Variants in PAQR5 observed in about 807,000 individuals in gnomAD.
The protein encoded by PAQR5 is progestin and adipoQ receptor family member 5.
In PAQR5, 20 loss-of-function variants were observed where a neutral mutation model predicts 34.5. The ratio of observed to expected loss-of-function variants is 0.58; its 90% CI spans 0.41 to 0.84. The LOEUF is 0.84. Among genes scored for constraint, PAQR5 ranks in the 40% least tolerant of loss-of-function variants. PAQR5 has a pLI of 0.00. For synonymous variants in PAQR5, 131 were observed against 155.6 expected, an observed-to-expected ratio of 0.84 and a Z score of 1.18; for missense variants, 378 against 412.7, an observed-to-expected ratio of 0.92 and a Z score of 0.73.
At chr15:69,346,293 T>A (rs1043727289) in intron 2 of PAQR5, among the ~76,000 whole-genome samples, 2 of 138,610 alleles carry the variant, frequency 1.4e-5, no homozygotes, top group Non-Finnish European at 3.0e-5. Context: ...ATGGATATTT[T>A]GTAATTTTTT....
chr15:69,322,754 A>AGACGAG lies in PAQR5; in HGVS notation c.-276-14585_-276-14584insCGAGGA, dbSNP rs1566997815. 9.7e-3 allele frequency among the ~76,000 whole-genome samples: 278 copies of AGACGAG among 28,582 alleles called. 48 individuals carry two copies. Among genetic ancestry groups the AGACGAG allele is most frequent in the Non-Finnish European group, 0.015 (203 of 13,244 alleles). 18.8% of individuals were successfully genotyped at this position (28,582 alleles called of 152,430 possible). ...AAGAAGAAGAAGAAGAAGAAGAAGA[A>AGACGAG]GAAGAAGAAGAAGAAGAGGGAGAAG... On this transcript the variant is annotated intron_variant, in intron 1 of 8. Coordinates refer to ENST00000395407, the MANE Select transcript of PAQR5 (RefSeq NM_017705.4).
At chr15:69,397,639 G>A (rs2056486263) in intron 7 of PAQR5, 75 bp downstream of exon 7, 8 of 1,003,942 alleles carry the variant, frequency 8.0e-6, no homozygotes, top group Non-Finnish European at 1.3e-5. Flanking sequence ...GCTTCTGGGG[G>A]GTCACAGCAC....
rs1431935169 is a variant in PAQR5 at position 69,300,631 on chromosome 15, T to C, written c.-277+1575T>C. 1.5e-4 allele frequency among the ~76,000 whole-genome samples: 7 copies of C among 45,460 alleles called. 1 individual carries two copies. The highest frequency in any genetic ancestry group is 1.2e-3 in the East Asian group (2 of 1,718). The allele number at this position is 45,460 out of a possible 152,430, so 29.8% of individuals were successfully genotyped here. On this transcript the variant is annotated intron_variant, in intron 1 of 8. Coordinates refer to ENST00000395407, the MANE Select transcript of PAQR5 (RefSeq NM_017705.4). ...TTTCTTTCTTTCTTTCTTTCTTTCT[T>C]TCTTTCTTTCTTTCTTTCTTTTCTT...
intron 2 of PAQR5, among the ~76,000 whole-genome samples, chr15:69,340,041 T>A (rs751875557): frequency 1.3e-4 from 20 of 152,050 alleles, no homozygotes; most frequent in African/African-American, 4.8e-4. Flanking sequence ...TAATTTTGTA[T>A]TTGTGGTAGA....
intron 2 of PAQR5, among the ~76,000 whole-genome samples, chr15:69,359,732 T>C (rs1010177683): frequency 1.3e-5 from 2 of 152,050 alleles, no homozygotes; most frequent in African/African-American, 4.8e-5. Flanking sequence ...GAGGCAGAAA[T>C]TGGGCATAAG....
chr15:69,329,875 T>C (rs1459740199), intron 1 of PAQR5, among the ~76,000 whole-genome samples: 5 of 152,198 alleles, frequency 3.3e-5, no homozygotes, highest in Admixed American at 2.6e-4. Context: ...GTAGCCATAA[T>C]AGTAGCCATA....
chr15:69,403,230 T>C (rs1338322810), intron 8 of PAQR5, among the ~76,000 whole-genome samples: 3 of 152,254 alleles, frequency 2.0e-5, no homozygotes, highest in Admixed American at 6.5e-5. Context: ...CCATATTGCT[T>C]CTTAAAAATA....
rs188970293 is a variant in PAQR5, at chr15:69,406,177, G to C, written c.*2355G>C. 6.6e-6 allele frequency: 1 copy of C among 152,256 alleles called. No individual in the cohort carries two copies. The highest frequency in any genetic ancestry group is 6.5e-5 in the Admixed American group (1 of 15,288). 9.4% of individuals were successfully genotyped at this position (152,256 alleles called of 1,614,324 possible). On this transcript the variant is annotated 3_prime_UTR_variant, in exon 9 of 9. Coordinates refer to ENST00000395407, the MANE Select transcript of PAQR5 (RefSeq NM_017705.4). ...TGACACATTCCCATTGGTAACAATT[G>C]CTCACCATGGCATTGTCTCAAAAAA...
At chr15:69,339,768 C>T (rs12595414) in intron 2 of PAQR5, among the ~76,000 whole-genome samples, 102,167 of 151,772 alleles carry the variant, frequency 0.67, 35,811 homozygotes, top group South Asian at 0.83. Context: ...CCATTGAGCC[C>T]GGCCCCTCCA....
At chr15:69,359,754 G>A (rs2055184188) in intron 2 of PAQR5, among the ~76,000 whole-genome samples, 1 of 151,900 alleles carries the variant, frequency 6.6e-6, no homozygotes, top group East Asian at 1.9e-4. Flanking sequence ...CAATATGAGG[G>A]GTGGTCTCCT....
rs150286929 is a variant in PAQR5 at position 69,322,325 on chromosome 15, T to G, written c.-276-15016T>G. 4.3e-3 allele frequency among the ~76,000 whole-genome samples: 643 copies of G among 149,422 alleles called. 48 individuals carry two copies. Among genetic ancestry groups the G allele is most frequent in the African/African-American group, 0.016 (622 of 40,016 alleles). On this transcript the variant is annotated intron_variant, in intron 1 of 8. Coordinates refer to ENST00000395407, the MANE Select transcript of PAQR5 (RefSeq NM_017705.4). ...TAACATGGTGAAACCCTGTCTCTAC[T>G]AAAAATACAAAAATCAGCTGGGCGC...
At chr15:69,336,182 G>T (rs1364884733) in intron 1 of PAQR5, among the ~76,000 whole-genome samples, 3 of 152,104 alleles carry the variant, frequency 2.0e-5, no homozygotes, top group Non-Finnish European at 4.4e-5. Flanking sequence ...CTAAGTGAAT[G>T]ACTTATGGTG....
chr15:69,395,799 T>C (rs1007185984), intron 6 of PAQR5, among the ~76,000 whole-genome samples: 2 of 152,088 alleles, frequency 1.3e-5, no homozygotes, highest in African/African-American at 4.8e-5. Context: ...TGATGCATCC[T>C]AGTTCCTTCT....
At chr15:69,299,996 C>T (rs2053494655) in intron 1 of PAQR5, among the ~76,000 whole-genome samples, 1 of 152,230 alleles carries the variant, frequency 6.6e-6, no homozygotes, top group Admixed American at 6.5e-5. Flanking sequence ...GGAGGCCCAA[C>T]AAAGCTCAGC....
intron 1 of PAQR5, among the ~76,000 whole-genome samples, chr15:69,303,789 GA>G (rs1360506236): frequency 6.6e-6 from 1 of 152,218 alleles, no homozygotes; most frequent in Non-Finnish European, 1.5e-5. Flanking sequence ...AATCTGGCAA[GA>G]GAGCCTAGAG....
intron 1 of PAQR5, among the ~76,000 whole-genome samples, chr15:69,319,174 TATATATATATATATA>T: frequency 7.8e-4 from 1 of 1,280 alleles, no homozygotes; most frequent in African/African-American, 8.5e-4. Context: ...TATATATATA[TATATATATATATATA>T]TATATATATA....
rs2053456707 is a variant in PAQR5, at chr15:69,298,923, C to T, written c.-410C>T. 6.6e-6 allele frequency: 1 copy of T among 151,940 alleles called. No individual in the cohort carries two copies. Among genetic ancestry groups the T allele is most frequent in the South Asian group, 2.1e-4 (1 of 4,828 alleles). The allele number at this position is 151,940 out of a possible 1,614,324, so 9.4% of individuals were successfully genotyped here. Reference sequence around the variant, plus strand: ...GGGCGGGGACCGGCATGGGTAGGCGCGGCGACCCGCAGGGCCAGGTGCAGG... The same window carrying T: ...GGGCGGGGACCGGCATGGGTAGGCGTGGCGACCCGCAGGGCCAGGTGCAGG... On this transcript the variant is annotated 5_prime_UTR_variant, in exon 1 of 9. Transcript: ENST00000395407.
At chr15:69,328,911 A>T (rs1450759473) in intron 1 of PAQR5, among the ~76,000 whole-genome samples, 3 of 152,220 alleles carry the variant, frequency 2.0e-5, no homozygotes, top group Admixed American at 1.3e-4. Context: ...TCTCCCAGCC[A>T]CCGGACCAGT....
chr15:69,392,681 A>G (rs983543034), intron 6 of PAQR5, among the ~76,000 whole-genome samples: 2 of 152,158 alleles, frequency 1.3e-5, no homozygotes, highest in African/African-American at 4.8e-5. Flanking sequence ...AGAGTGTAGC[A>G]GGAGGGAGTG....
Sources: gnomAD v4.1 joint callset for allele counts (sites outside exome capture counted in the v4.1 genomes callset) on GRCh38, gnomAD v4.1.1 for gene constraint, MANE v1.5 for transcripts, NCBI Gene and HGNC (gene_info 2026-07-23, HGNC 2026-07-21) for gene names.